The following AUTS2 variants were observed in gnomAD, a reference collection of about 807,000 sequenced individuals.
The protein encoded by AUTS2 is activator of transcription and developmental regulator AUTS2.
In AUTS2, 17 loss-of-function variants were observed where a neutral mutation model predicts 112.4. That is an observed-to-expected ratio of 0.15 (90% CI 0.10 to 0.23). The LOEUF (loss-of-function observed/expected upper bound fraction) is 0.23, where lower values mean the gene tolerates loss of function less well. AUTS2 is among the 10% of genes least tolerant of loss of function. The pLI is 1.00. For synonymous variants in AUTS2, 751 were observed against 702.7 expected, an observed-to-expected ratio of 1.07 and a Z score of -1.09; for missense variants, 1,510 against 1,701.6, an observed-to-expected ratio of 0.89 and a Z score of 1.98.
chr7:70,390,329 T>A (rs1459606482), intron 4 of AUTS2, among the ~76,000 whole-genome samples: 1 of 152,168 alleles, frequency 6.6e-6, no homozygotes, highest in Non-Finnish European at 1.5e-5. Context: ...GGAATGTGTC[T>A]TTTTAGAAAG....
chr7:70,421,547 G>T (rs937428675), intron 4 of AUTS2, among the ~76,000 whole-genome samples: 3 of 152,158 alleles, frequency 2.0e-5, no homozygotes, highest in Non-Finnish European at 4.4e-5. Flanking sequence ...CAAAGCAAAT[G>T]AGGCCAGAGA....
At chr7:70,176,667 A>G (rs1392857589) in intron 4 of AUTS2, among the ~76,000 whole-genome samples, 1 of 152,226 alleles carries the variant, frequency 6.6e-6, no homozygotes, top group Non-Finnish European at 1.5e-5. Context: ...AATTTGGATC[A>G]TTCTGAAAAA....
intron 4 of AUTS2, among the ~76,000 whole-genome samples, chr7:70,191,102 C>T (rs1417555347): frequency 1.3e-5 from 2 of 150,638 alleles, no homozygotes; most frequent in East Asian, 3.9e-4. Flanking sequence ...AGATATTGTG[C>T]TCTTTGATAG....
At position 70,766,846 on chromosome 7, in the gene AUTS2, A is replaced by G. The variant is rs543901148; in HGVS notation, c.1689+512A>G. Among the ~76,000 whole-genome samples the G allele has an allele frequency of 6.6e-6, 1 of 152,204 alleles. No individual in the cohort carries two copies. The highest frequency in any genetic ancestry group is 6.5e-5 in the Admixed American group (1 of 15,302). ...AAACCCACTTTGTTGGAGGTGTTAT[A>G]TTTCTTGTGTTTCATAAGACAGTCC... On this transcript the variant is annotated intron_variant, in intron 9 of 18. Coordinates refer to ENST00000342771, the MANE Select transcript of AUTS2 (RefSeq NM_015570.4). The surrounding 1 kb of genome is among the most constrained non-coding windows in gnomAD (Gnocchi z 4.8).
intron 4 of AUTS2, among the ~76,000 whole-genome samples, chr7:70,361,500 G>A (rs1792265858): frequency 6.6e-6 from 1 of 152,160 alleles, no homozygotes; most frequent in African/African-American, 2.4e-5. Flanking sequence ...GTTCGTGACT[G>A]TTTTCCAGAG....
chr7:70,256,213 T>C (rs770577452), intron 4 of AUTS2, among the ~76,000 whole-genome samples: 4 of 152,192 alleles, frequency 2.6e-5, no homozygotes, highest in Non-Finnish European at 4.4e-5. Flanking sequence ...CTCCTTGATG[T>C]TTCTGTAAAG....
intron 2 of AUTS2, among the ~76,000 whole-genome samples, chr7:70,048,021 T>C (rs1801583321): frequency 6.6e-6 from 1 of 152,164 alleles, no homozygotes; most frequent in African/African-American, 2.4e-5. Context: ...AGAGGCTTAC[T>C]TGAGGTAGTC....
At chr7:70,606,635 C>T (rs1803784560) in intron 5 of AUTS2, among the ~76,000 whole-genome samples, 1 of 152,050 alleles carries the variant, frequency 6.6e-6, no homozygotes, top group South Asian at 2.1e-4. Context: ...CTGAGGCAGG[C>T]AGATCGCCTG....
intron 1 of AUTS2, among the ~76,000 whole-genome samples, chr7:69,848,197 A>C (rs1792298316): frequency 6.6e-6 from 1 of 152,156 alleles, no homozygotes; most frequent in Non-Finnish European, 1.5e-5. Flanking sequence ...TTTTACCTGA[A>C]AATACGAGCT....
chr7:70,330,842 C>T (rs546535731), intron 4 of AUTS2, among the ~76,000 whole-genome samples: 2 of 152,134 alleles, frequency 1.3e-5, no homozygotes, highest in South Asian at 2.1e-4. Context: ...AAGTCTTTCA[C>T]CTTTTTGGTG....
chr7:70,291,617 A>G (rs1202698560), intron 4 of AUTS2: 1 of 152,208 alleles, frequency 6.6e-6, no homozygotes, highest in Non-Finnish European at 1.5e-5. Context: ...ACAGATTTCC[A>G]GAAAATTCAG....
At chr7:70,678,086 A>G (rs893360048) in intron 5 of AUTS2, among the ~76,000 whole-genome samples, 13 of 152,066 alleles carry the variant, frequency 8.5e-5, no homozygotes, top group African/African-American at 3.1e-4. Flanking sequence ...TGCCTCAAAA[A>G]AAATTAATAA....
intron 1 of AUTS2, among the ~76,000 whole-genome samples, chr7:69,639,251 A>C (rs1254387845): frequency 6.6e-6 from 1 of 152,202 alleles, no homozygotes; most frequent in Admixed American, 6.5e-5. Flanking sequence ...GAGAGTACTT[A>C]TCTATTTTAT....
chr7:70,752,993 T>C (rs973748505), intron 6 of AUTS2, among the ~76,000 whole-genome samples: 8 of 152,164 alleles, frequency 5.3e-5, no homozygotes, highest in African/African-American at 1.9e-4. Flanking sequence ...ATGTTTTGGT[T>C]TTAAGGCATC....
chr7:70,513,845 A>G (rs913717399), intron 5 of AUTS2, among the ~76,000 whole-genome samples: 4 of 152,014 alleles, frequency 2.6e-5, no homozygotes, highest in African/African-American at 9.7e-5. Context: ...TTTTTAGTAG[A>G]AATGAGGTTT....
intron 5 of AUTS2, among the ~76,000 whole-genome samples, chr7:70,691,178 T>C (rs1808733821): frequency 1.3e-5 from 2 of 152,236 alleles, no homozygotes; most frequent in Admixed American, 6.5e-5. Flanking sequence ...TCTGAAATCA[T>C]TAATCTAACA....
At chr7:69,662,950 C>CA (rs1795873067) in intron 1 of AUTS2, among the ~76,000 whole-genome samples, 1 of 152,146 alleles carries the variant, frequency 6.6e-6, no homozygotes, top group Admixed American at 6.5e-5. Flanking sequence ...GTGATTTCCA[C>CA]AAATAGATCA....
At chr7:70,444,688 G>C (rs905500438) in intron 5 of AUTS2, among the ~76,000 whole-genome samples, 2 of 152,094 alleles carry the variant, frequency 1.3e-5, no homozygotes, top group African/African-American at 4.8e-5. Flanking sequence ...TCTAGCTGTA[G>C]ACCTGCATGA....
chr7:70,209,022 C>T (rs1810720993), intron 4 of AUTS2, among the ~76,000 whole-genome samples: 2 of 152,012 alleles, frequency 1.3e-5, no homozygotes, highest in African/African-American at 4.8e-5. Context: ...CTGAGTTTTA[C>T]TCTGGAAAAA....
Sources: allele counts gnomAD v4.1 joint callset (sites outside exome capture counted in the v4.1 genomes callset), GRCh38; gene constraint gnomAD v4.1.1; non-coding constraint Gnocchi (gnomAD v3.1); transcripts MANE v1.5; gene names NCBI Gene and HGNC (gene_info 2026-07-23, HGNC 2026-07-21).